Variants in GRIA3 observed in about 807,000 individuals in gnomAD.
GRIA3 encodes glutamate ionotropic receptor AMPA type subunit 3, also known as glutamate receptor 3.
GRIA3 carries 3 observed loss-of-function variants against 63.0 expected under a neutral mutation model. The ratio of observed to expected loss-of-function variants is 0.05; its 90% CI spans 0.02 to 0.12. GRIA3 has a LOEUF of 0.12. GRIA3 is among the 10% of genes least tolerant of loss of function. The pLI is 1.00. For missense variants in GRIA3, 347 were observed against 700.9 expected (o/e 0.50, Z 5.70); for synonymous variants, 274 against 257.9 (o/e 1.06, Z -0.60).
chrX:123,465,867 G>C lies in GRIA3; in HGVS notation c.2324+755G>C, dbSNP rs879150526. On this transcript the variant is annotated intron_variant, in intron 13 of 15. Coordinates refer to ENST00000620443, the MANE Select transcript of GRIA3 (RefSeq NM_007325.5). The stretch of plus-strand genomic sequence containing the variant: ...GACTGTTATCTTATTATTGAGGAGA[G>C]AGCACAAGACTCACACATAAAGTGG... The C allele has an allele frequency of 4.9e-5, 36 of 730,170 alleles. No individual in the cohort carries two copies. The South Asian group carries it at 7.4e-4, about 15-fold the overall frequency. The allele number at this position is 730,170 out of a possible 1,213,427, so 60.2% of individuals were successfully genotyped here.
chrX:123,295,172 G>A (rs760773772), intron 3 of GRIA3, among the ~76,000 whole-genome samples: 7 of 111,689 alleles, frequency 6.3e-5, no homozygotes, highest in African/African-American at 2.3e-4. Flanking sequence ...GGATTTAATC[G>A]TCACTTAAGA....
At chrX:123,358,893 T>C (rs1260744768) in intron 5 of GRIA3, 1 of 111,356 alleles carries the variant, frequency 9.0e-6, no homozygotes, top group Non-Finnish European at 1.9e-5. Flanking sequence ...TAATGATAGC[T>C]CAGTTACTGT....
chrX:123,405,283 C>G (rs2045466757), intron 10 of GRIA3, among the ~76,000 whole-genome samples: 1 of 111,617 alleles, frequency 9.0e-6, no homozygotes, highest in Admixed American at 9.5e-5. Context: ...CTCATTGTTC[C>G]CCTCTTATCT....
Position 123,227,812 on chromosome X carries a change from T to C in GRIA3, c.269-25491T>C, listed in dbSNP as rs1011084340. Among the ~76,000 whole-genome samples the C allele has an allele frequency of 2.7e-5, 3 of 112,334 alleles. No homozygotes were observed. The East Asian group carries it at 8.4e-4, about 31-fold the overall frequency. ...AAGTATTGAGATGTGTAGTTTCTTC[T>C]GTAGTATCTTCCCTGCTCTGTCACC... is the stretch of plus-strand genomic sequence containing the variant. On this transcript the variant is annotated intron_variant, in intron 2 of 15. Transcript: ENST00000620443.
At chrX:123,399,682 A>T (rs2045434363) in intron 7 of GRIA3, among the ~76,000 whole-genome samples, 1 of 112,251 alleles carries the variant, frequency 8.9e-6, no homozygotes, top group Non-Finnish European at 1.9e-5. Flanking sequence ...TGTTTGGGAC[A>T]TCCAAATCAA....
At chrX:123,465,361 C>T (rs753997137) in intron 13 of GRIA3, among the ~76,000 whole-genome samples, 7 of 111,349 alleles carry the variant, frequency 6.3e-5, no homozygotes, top group South Asian at 3.8e-4. Flanking sequence ...TACAGTTCAA[C>T]GGCTTTTTCA....
intron 11 of GRIA3, among the ~76,000 whole-genome samples, chrX:123,421,828 T>C (rs970655158): frequency 3.6e-5 from 4 of 111,808 alleles, no homozygotes; most frequent in African/African-American, 1.3e-4. Context: ...AAGAAGGTGA[T>C]AGTCAGATTA....
chrX:123,458,726 T>G (rs1378431312), intron 12 of GRIA3, among the ~76,000 whole-genome samples: 1 of 111,962 alleles, frequency 8.9e-6, no homozygotes, highest in African/African-American at 3.2e-5. Flanking sequence ...AATGAGGATT[T>G]TAATGTATAA....
At chrX:123,283,792 C>G (rs1309984866) in intron 3 of GRIA3, among the ~76,000 whole-genome samples, 2 of 112,707 alleles carry the variant, frequency 1.8e-5, no homozygotes, top group Non-Finnish European at 3.8e-5. Context: ...GACAGAGCAC[C>G]TGGAGGAAGG....
chrX:123,386,274 A>G (rs910162513), intron 5 of GRIA3, among the ~76,000 whole-genome samples: 16 of 111,644 alleles, frequency 1.4e-4, no homozygotes, highest in Non-Finnish European at 3.0e-4. Context: ...TTCTTTGCCC[A>G]CTTTTTAACG....
Position 123,427,958 on chromosome X carries a change from T to C in GRIA3, c.1895T>C (p.Ile632Thr). 1 of 1,200,343 alleles carries C rather than the reference T, an allele frequency of 8.3e-7. No homozygotes were observed. Among genetic ancestry groups the C allele is most frequent in the Non-Finnish European group, 1.1e-6 (1 of 885,555 alleles). ...DISPRSLSGR[I>T]VGGVWWFFTL... Reference sequence around the variant, plus strand: ...TTTTATAGATCACTCTCCGGGCGCATTGTTGGAGGGGTTTGGTGGTTCTTC... The same window carrying C: ...TTTTATAGATCACTCTCCGGGCGCACTGTTGGAGGGGTTTGGTGGTTCTTC... Residue 632 changes from isoleucine (I) to threonine (T), a missense_variant, in exon 12 of 16, where the codon ATT (isoleucine) becomes ACT (threonine). Transcript: ENST00000620443.
intron 4 of GRIA3, among the ~76,000 whole-genome samples, chrX:123,351,342 G>A (rs1179421598): frequency 1.8e-5 from 2 of 111,720 alleles, no homozygotes; most frequent in Non-Finnish European, 3.8e-5. Flanking sequence ...GAAAGATCAA[G>A]AGCAAAACAT....
At chrX:123,447,588 A>G (rs1313451308) in intron 12 of GRIA3, among the ~76,000 whole-genome samples, 2 of 112,406 alleles carry the variant, frequency 1.8e-5, no homozygotes, top group South Asian at 7.3e-4. Context: ...GATTCTTGAA[A>G]AAGAAAAAAA....
chrX:123,220,807 T>C (rs138156395), intron 2 of GRIA3, among the ~76,000 whole-genome samples: 1,289 of 111,930 alleles, frequency 0.012, 25 homozygotes, highest in African/African-American at 0.04. Flanking sequence ...AACAGTATTA[T>C]ACATAAGACT....
At chrX:123,209,398 G>A (rs189496880) in intron 2 of GRIA3, among the ~76,000 whole-genome samples, 2 of 112,022 alleles carry the variant, frequency 1.8e-5, no homozygotes, top group East Asian at 5.6e-4. Flanking sequence ...TGATGTGTTT[G>A]TTCTTGGTTA....
At chrX:123,238,202 G>A (rs1288301803) in intron 2 of GRIA3, among the ~76,000 whole-genome samples, 1 of 111,575 alleles carries the variant, frequency 9.0e-6, no homozygotes, top group Non-Finnish European at 1.9e-5. Context: ...CAAAAGTTTA[G>A]TAACACATGT....
At chrX:123,208,224 T>C (rs1003094823) in intron 2 of GRIA3, among the ~76,000 whole-genome samples, 1 of 111,803 alleles carries the variant, frequency 8.9e-6, no homozygotes, top group Non-Finnish European at 1.9e-5. Context: ...TAAATGAAAA[T>C]ATGAGATTTG....
chrX:123,455,811 G>T (rs2045758214), intron 12 of GRIA3, among the ~76,000 whole-genome samples: 1 of 104,060 alleles, frequency 9.6e-6, no homozygotes, highest in South Asian at 4.4e-4. Flanking sequence ...AGAGGCTGGG[G>T]TTATCACGGG....
chrX:123,276,796 C>T (rs1167845722), intron 3 of GRIA3, among the ~76,000 whole-genome samples: 1 of 111,498 alleles, frequency 9.0e-6, no homozygotes, highest in African/African-American at 3.3e-5. Context: ...TGTGTCCTTC[C>T]CTACTGCCTC....
Sources: gnomAD v4.1 joint callset for allele counts (sites outside exome capture counted in the v4.1 genomes callset) on GRCh38, gnomAD v4.1.1 for gene constraint, MANE v1.5 for transcripts, NCBI Gene and HGNC (gene_info 2026-07-23, HGNC 2026-07-21) for gene names.